Variants in CBFA2T2 observed in about 807,000 individuals in gnomAD.
The protein encoded by CBFA2T2 is CBFA2/RUNX1 partner transcriptional co-repressor 2, also known as protein CBFA2T2.
A neutral mutation model predicts 62.2 loss-of-function variants in CBFA2T2; 11 were observed. The observed-to-expected ratio is 0.18, with a 90% confidence interval of 0.11 to 0.29. The LOEUF (loss-of-function observed/expected upper bound fraction) is 0.29. CBFA2T2 is among the 10% of genes least tolerant of loss of function. The pLI is 1.00. For missense variants in CBFA2T2, 592 were observed against 774.1 expected, an observed-to-expected ratio of 0.76 and a Z score of 2.79; for synonymous variants, 295 against 287.5, an observed-to-expected ratio of 1.03 and a Z score of -0.27.
At chr20:33,565,731 G>A (rs1436424718) in intron 1 of CBFA2T2, among the ~76,000 whole-genome samples, 4 of 152,152 alleles carry the variant, frequency 2.6e-5, no homozygotes, top group Non-Finnish European at 4.4e-5. Context: ...GAAGCATCAT[G>A]AGAATCTTAC....
chr20:33,494,749 C>T (rs1011637041), intron 1 of CBFA2T2, among the ~76,000 whole-genome samples: 1 of 151,810 alleles, frequency 6.6e-6, no homozygotes, highest in Non-Finnish European at 1.5e-5. Flanking sequence ...CAGGCATGCA[C>T]CACCACACCC....
intron 9 of CBFA2T2, among the ~76,000 whole-genome samples, chr20:33,637,886 C>T (rs1601114061): frequency 2.0e-5 from 3 of 150,368 alleles, no homozygotes; most frequent in East Asian, 3.9e-4. Context: ...AGGCTGGTCT[C>T]GAACTCCTGA....
At chr20:33,543,839 AT>A (rs1257265922) in intron 1 of CBFA2T2, among the ~76,000 whole-genome samples, 1 of 152,054 alleles carries the variant, frequency 6.6e-6, no homozygotes, top group African/African-American at 2.4e-5. Flanking sequence ...TAATTAATTA[AT>A]TTATTTATTT....
At chr20:33,503,561 T>G (rs2011338755) in intron 1 of CBFA2T2, among the ~76,000 whole-genome samples, 1 of 152,146 alleles carries the variant, frequency 6.6e-6, no homozygotes, top group Non-Finnish European at 1.5e-5. Context: ...CCATTTTGTG[T>G]GTATTTTTAG....
intron 1 of CBFA2T2, among the ~76,000 whole-genome samples, chr20:33,514,691 AT>A (rs1370016529): frequency 6.6e-6 from 1 of 151,376 alleles, no homozygotes; most frequent in Non-Finnish European, 1.5e-5. Context: ...TTATTTATTT[AT>A]TTATTTTATT....
intron 1 of CBFA2T2, among the ~76,000 whole-genome samples, chr20:33,544,746 C>T (rs1316864687): frequency 6.6e-6 from 1 of 151,944 alleles, no homozygotes; most frequent in Non-Finnish European, 1.5e-5. Context: ...GGGGTTTCAC[C>T]ATATTGGGCA....
chr20:33,607,039 C>A lies in CBFA2T2; in HGVS notation c.118C>A (p.Pro40Thr), dbSNP rs1357845645. 6.2e-7 allele frequency: 1 copy of A among 1,613,994 alleles called. No individual in the cohort carries two copies. Among genetic ancestry groups the A allele is most frequent in the Admixed American group, 1.7e-5 (1 of 59,996 alleles). ...IQSRSSPPTM[P>T]PLPPINPGGP... ...GTCCAGATCCTCACCTCCCACCATG[C>A]CACCCCTCCCACCAATAAATCCTGG... Residue 40 changes from proline (P) to threonine (T), a missense_variant, in exon 2 of 11, where the codon CCA becomes ACA. Transcript: ENST00000342704.
At chr20:33,631,040 C>T (rs1601100503) in intron 8 of CBFA2T2, among the ~76,000 whole-genome samples, 2 of 152,172 alleles carry the variant, frequency 1.3e-5, no homozygotes, top group East Asian at 1.9e-4. Context: ...ACAGGCCGGG[C>T]GTGGTGGCTC....
chr20:33,537,245 G>T (rs1191377620), intron 1 of CBFA2T2, among the ~76,000 whole-genome samples: 1 of 152,248 alleles, frequency 6.6e-6, no homozygotes, highest in African/African-American at 2.4e-5. Flanking sequence ...GGCACCTCGC[G>T]AGGCCGAGGC....
intron 9 of CBFA2T2, 147 bp from the exon 10 acceptor site, chr20:33,640,194 G>A: frequency 1.3e-6 from 1 of 756,560 alleles, no homozygotes; most frequent in Non-Finnish European, 2.1e-6. Context: ...TGCATGGATG[G>A]ACACATGAGT....
chr20:33,562,481 A>AG (rs1337539264), intron 1 of CBFA2T2: 12 of 985,816 alleles, frequency 1.2e-5, no homozygotes, highest in Non-Finnish European at 1.4e-5. Flanking sequence ...GGAATGGGAC[A>AG]GGCAGCTCTA....
At chr20:33,550,274 T>G (rs1486614226) in intron 1 of CBFA2T2, among the ~76,000 whole-genome samples, 1 of 152,210 alleles carries the variant, frequency 6.6e-6, no homozygotes, top group Non-Finnish European at 1.5e-5. Flanking sequence ...AAATTATTAA[T>G]TTTTTGTCAA....
At chr20:33,597,559 G>T (rs1453077409) in intron 1 of CBFA2T2, among the ~76,000 whole-genome samples, 2 of 152,298 alleles carry the variant, frequency 1.3e-5, no homozygotes, top group East Asian at 3.9e-4. Flanking sequence ...TTCTCATTAG[G>T]AGGGCAATCC....
intron 1 of CBFA2T2, chr20:33,600,535 T>TG (rs914137791): frequency 1.4e-5 from 5 of 358,454 alleles, no homozygotes; most frequent in African/African-American, 2.2e-5. Flanking sequence ...CATTTACCTA[T>TG]GCTTGGCAGT....
intron 2 of CBFA2T2, among the ~76,000 whole-genome samples, chr20:33,608,991 A>C (rs572187966): frequency 6.6e-6 from 1 of 152,252 alleles, no homozygotes; most frequent in Non-Finnish European, 1.5e-5. Context: ...AATTTTCTTT[A>C]GTGGAAGACA....
At chr20:33,626,554 G>C (rs2016235874) in intron 6 of CBFA2T2, among the ~76,000 whole-genome samples, 1 of 152,172 alleles carries the variant, frequency 6.6e-6, no homozygotes, top group African/African-American at 2.4e-5. Context: ...TTCTAGTTTT[G>C]GACAGAGCGG....
rs571477749 is a variant in CBFA2T2, at chr20:33,642,291, T to C, written c.1488+1760T>C. Among the ~76,000 whole-genome samples, 7 of 152,194 alleles carry C rather than the reference T, an allele frequency of 4.6e-5. No individual in the cohort carries two copies. The South Asian group carries it at 1.2e-3, about 27-fold the overall frequency. On this transcript the variant is annotated intron_variant, in intron 10 of 10. Coordinates refer to ENST00000342704, the MANE Select transcript of CBFA2T2 (RefSeq NM_001032999.3). Reference sequence around the variant, plus strand: ...ATGAGCCACCACGCCCAGCTTCTCCTCCTCCTTTTTCTTTAGAATTGTTTT... The same window carrying C: ...ATGAGCCACCACGCCCAGCTTCTCCCCCTCCTTTTTCTTTAGAATTGTTTT...
In CBFA2T2 at chr20:33,624,818, G is replaced by A. The variant is rs1287862338; in HGVS notation, c.747G>A (p.Lys249=). 6.2e-7 allele frequency: 1 copy of A among 1,614,182 alleles called. No homozygotes were observed. The change falls in exon 6 of 11, where the codon AAG becomes AAA. Residue 249 remains lysine, a synonymous_variant. Coordinates refer to ENST00000342704, the MANE Select transcript of CBFA2T2 (RefSeq NM_001032999.3). ...CAATTGCTCCTGAGCCTCCTGCCAA[G>A]AGAGTATGTACCATCAGCCCTGCTC... ...RDTIAPEPPA[K]RVCTISPAPR...
chr20:33,633,303 C>T (rs567367224), intron 8 of CBFA2T2, among the ~76,000 whole-genome samples: 29 of 149,604 alleles, frequency 1.9e-4, no homozygotes, highest in African/African-American at 7.2e-4. Flanking sequence ...ACCTGGGAGG[C>T]GGAGGTTGTG....
Sources: gnomAD v4.1 joint callset for allele counts (sites outside exome capture counted in the v4.1 genomes callset) on GRCh38, gnomAD v4.1.1 for gene constraint, MANE v1.5 for transcripts, NCBI Gene and HGNC (gene_info 2026-07-23, HGNC 2026-07-21) for gene names.